The following PLA2R1 variants were observed in gnomAD, a reference collection of about 807,000 sequenced individuals.
PLA2R1 encodes the protein secretory phospholipase A2 receptor.
Under a neutral mutation model 195.9 loss-of-function variants are expected in PLA2R1, and 158 were observed. The ratio of observed to expected loss-of-function variants is 0.81; its 90% CI spans 0.71 to 0.92. The LOEUF is 0.92. PLA2R1 is among the 40% of genes least tolerant of loss of function. The pLI is 0.00. For missense variants in PLA2R1, 1,626 were observed against 1,764.6 expected, an observed-to-expected ratio of 0.92 and a Z score of 1.41; for synonymous variants, 586 against 598.2, an observed-to-expected ratio of 0.98 and a Z score of 0.30.
chr2:159,929,342 A>G (rs2125897458), downstream of PLA2R1, among the ~76,000 whole-genome samples: 1 of 152,340 alleles, frequency 6.6e-6, no homozygotes, highest in Non-Finnish European at 1.5e-5. Flanking sequence ...GACTAAGGAC[A>G]TGAATACACA....
chr2:159,984,662 T>C (rs1690200040), intron 12 of PLA2R1, among the ~76,000 whole-genome samples: 1 of 152,340 alleles, frequency 6.6e-6, no homozygotes, highest in South Asian at 2.1e-4. Context: ...GTGGTTCAGC[T>C]GTGCCTAAAA....
rs186150182 is a variant in PLA2R1, at chr2:160,055,148, C to T, written c.109+7147G>A. Among the ~76,000 whole-genome samples the T allele has an allele frequency of 8.5e-5, 13 of 152,176 alleles. No individual in the cohort carries two copies. In the East Asian group the frequency reaches 2.3e-3, roughly 27 times the overall value. ...AATAGGAAAAGAGTTAGAGGCTTAA[C>T]AAGAAAGAGTAAATAGGACCAGAAA... is the stretch of plus-strand genomic sequence containing the variant. On this transcript the variant is annotated intron_variant, in intron 1 of 29. Transcript: ENST00000283243.
chr2:160,025,961 T>C (rs1004259467), intron 6 of PLA2R1, among the ~76,000 whole-genome samples: 5 of 152,210 alleles, frequency 3.3e-5, no homozygotes, highest in African/African-American at 7.2e-5. Context: ...ATGAGGACTA[T>C]AGTTAATGTA....
At chr2:159,988,831 A>T (rs2105327419) in intron 11 of PLA2R1, among the ~76,000 whole-genome samples, 1 of 152,312 alleles carries the variant, frequency 6.6e-6, no homozygotes, top group South Asian at 2.1e-4. Flanking sequence ...CAAGAGAGGG[A>T]AAATGAAGAG....
chr2:159,957,465 C>T (rs1254452740), intron 20 of PLA2R1, among the ~76,000 whole-genome samples: 2 of 152,092 alleles, frequency 1.3e-5, no homozygotes, highest in African/African-American at 4.8e-5. Flanking sequence ...AGTGATTCTC[C>T]TACCTCAGTC....
the PLA2R1 span, among the ~76,000 whole-genome samples, chr2:159,924,745 C>T: frequency 7.4e-5 from 11 of 147,654 alleles, no homozygotes; most frequent in Admixed American, 4.1e-4. Flanking sequence ...GGGGGCGGTG[C>T]GAACAAAAAT....
At chr2:159,953,878 G>C (rs368151397) in intron 23 of PLA2R1, among the ~76,000 whole-genome samples, 11 of 152,206 alleles carry the variant, frequency 7.2e-5, no homozygotes, top group African/African-American at 2.7e-4. Context: ...CTGTAGCCCA[G>C]GCTGGAATGC....
intron 11 of PLA2R1, among the ~76,000 whole-genome samples, chr2:159,988,371 G>A (rs1690512225): frequency 6.6e-6 from 1 of 151,906 alleles, no homozygotes; most frequent in African/African-American, 2.4e-5. Flanking sequence ...TTGAAAAAAA[G>A]GATGAAGCAA....
chr2:160,038,776 T>C (rs1246971173), intron 3 of PLA2R1, among the ~76,000 whole-genome samples: 1 of 152,022 alleles, frequency 6.6e-6, no homozygotes, highest in South Asian at 2.1e-4. Context: ...CAGAAACATA[T>C]AGCATTGCTG....
At chr2:159,956,760 T>C (rs751344055) in intron 20 of PLA2R1, 133 bp from the exon 21 acceptor site, 6 of 617,800 alleles carry the variant, frequency 9.7e-6, no homozygotes, top group Non-Finnish European at 1.5e-5. Flanking sequence ...TCATTTTTCT[T>C]TCACCTCCTC....
At position 159,955,244 on chromosome 2, in the gene PLA2R1, C is replaced by A; in HGVS notation, c.3256G>T (p.Asp1086Tyr). ...AACCCATAGCCTTCCTTTCCACAGT[C>A]TTCAAAATACCATTTTCCAGTGAAA... ...FHFTGKWYFEDCGKEGYGFVC... is the reference protein window; with the variant it reads ...FHFTGKWYFEYCGKEGYGFVC... The change falls in exon 23 of 30, where the codon GAC becomes TAC. Residue 1086 changes from aspartate to tyrosine, a missense_variant. By Grantham distance (160) the Asp-to-Tyr change is radical. Transcript: ENST00000283243. The A allele has an allele frequency of 6.2e-7, 1 of 1,611,778 alleles. No homozygotes were observed. Among genetic ancestry groups the A allele is most frequent in the South Asian group, 1.1e-5 (1 of 90,840 alleles).
chr2:159,974,828 C>T lies in PLA2R1; in HGVS notation c.2595+1240G>A, dbSNP rs559216166. ...AGAATGTAGCAGGAGTCCTGACCTG[C>T]TTGTACCTCATGGGCTGTATGTGCA... On this transcript the variant is annotated intron_variant, in intron 17 of 29. Transcript: ENST00000283243. Among the ~76,000 whole-genome samples, 16 of 152,230 alleles carry T rather than the reference C, an allele frequency of 1.1e-4. 1 individual carries two copies. Among genetic ancestry groups the T allele is most frequent in the African/African-American group, 3.6e-4 (15 of 41,558 alleles).
chr2:160,052,105 C>T (rs537898832), intron 1 of PLA2R1, among the ~76,000 whole-genome samples: 1 of 152,318 alleles, frequency 6.6e-6, no homozygotes, highest in Admixed American at 6.5e-5. Context: ...GGCCGTGGAC[C>T]GCTCTTGCTA....
At chr2:160,061,609 A>C (rs1425373405) in intron 1 of PLA2R1, among the ~76,000 whole-genome samples, 1 of 152,096 alleles carries the variant, frequency 6.6e-6, no homozygotes, top group Admixed American at 6.5e-5. Context: ...CTCCGTCTCC[A>C]CCAAAAATAC....
At chr2:159,980,479 A>G (rs1040554968) in intron 13 of PLA2R1, among the ~76,000 whole-genome samples, 2 of 152,222 alleles carry the variant, frequency 1.3e-5, no homozygotes, top group African/African-American at 4.8e-5. Context: ...TTAAACATTC[A>G]TGTATTCTCT....
In PLA2R1 at chr2:159,970,148, C is replaced by T. The variant is rs371462669; in HGVS notation, c.2660G>A (p.Arg887His). ...LQEERANDEFRWRDGTPVIYQ... is the reference protein window; with the variant it reads ...LQEERANDEFHWRDGTPVIYQ... ...AATGCAAATGAATCTAGGTTCATACCGAAATTCATCATTGGCTCTTTCTTC... is the reference window on the plus strand; with the variant it reads ...AATGCAAATGAATCTAGGTTCATACTGAAATTCATCATTGGCTCTTTCTTC... Residue 887 changes from arginine to histidine, a missense_variant and splice_region_variant, in exon 18 of 30, where the codon CGC becomes CAC. Arg to His is a conservative substitution (Grantham distance 29, BLOSUM62 0). Transcript: ENST00000283243. The T allele has an allele frequency of 1.9e-5, 30 of 1,595,078 alleles. No individual in the cohort carries two copies. Among genetic ancestry groups the T allele is most frequent in the African/African-American group, 4.0e-5 (3 of 74,328 alleles).
intron 6 of PLA2R1, among the ~76,000 whole-genome samples, chr2:160,027,756 TC>T (rs1693614479): frequency 6.6e-6 from 1 of 152,204 alleles, no homozygotes; most frequent in Non-Finnish European, 1.5e-5. Context: ...AAGTATTAAC[TC>T]CATCTAAAAG....
intron 14 of PLA2R1, among the ~76,000 whole-genome samples, chr2:159,979,370 A>G (rs886781641): frequency 6.6e-6 from 1 of 152,198 alleles, no homozygotes; most frequent in Admixed American, 6.5e-5. Flanking sequence ...CTAGAAGGTG[A>G]TATTTCTAAA....
chr2:160,036,954 T>A (rs888574577), intron 3 of PLA2R1, among the ~76,000 whole-genome samples: 3 of 152,228 alleles, frequency 2.0e-5, no homozygotes, highest in Non-Finnish European at 4.4e-5. Context: ...TAGTGAGTGA[T>A]CAACAGCTTA....
Sources: allele counts gnomAD v4.1 joint callset (sites outside exome capture counted in the v4.1 genomes callset), GRCh38; gene constraint gnomAD v4.1.1; transcripts MANE v1.5; gene names NCBI Gene and HGNC (gene_info 2026-07-23, HGNC 2026-07-21).